Variants in CEP68 observed in about 807,000 individuals in gnomAD.
CEP68 encodes the protein centrosomal protein 68, also known as centrosomal protein of 68 kDa.
A neutral mutation model predicts 55.3 loss-of-function variants in CEP68; 26 were observed. That is an observed-to-expected ratio of 0.47 (90% CI 0.34 to 0.65). The LOEUF (loss-of-function observed/expected upper bound fraction) is 0.65. Among genes scored for constraint, CEP68 ranks in the 30% least tolerant of loss-of-function variants. The pLI is 0.01. For missense variants in CEP68, 957 were observed against 946.7 expected (o/e 1.01, Z -0.14); for synonymous variants, 402 against 383.2 (o/e 1.05, Z -0.57).
Position 65,071,517 on chromosome 2 carries a change from A to G in CEP68, c.421A>G (p.Thr141Ala). ...FPQTLSLPRT[T>A]TICSGHDADT... ...TCAGACTCTGAGCCTTCCCAGAACA[A>G]CAACTATTTGCTCAGGACATGATGC... Residue 141 changes from threonine (T) to alanine (A), a missense_variant, in exon 3 of 7, where the codon ACA becomes GCA. Transcript: ENST00000377990. 6.2e-7 allele frequency: 1 copy of G among 1,613,098 alleles called. No individual in the cohort carries two copies. Among genetic ancestry groups the G allele is most frequent in the Non-Finnish European group, 8.5e-7 (1 of 1,179,246 alleles).
Position 65,064,270 on chromosome 2 carries a change from G to T in CEP68, c.-46-5129G>T, listed in dbSNP as rs149064601. Among the ~76,000 whole-genome samples the T allele has an allele frequency of 7.4e-3, 1,119 of 152,084 alleles. 8 individuals are homozygous for T. The highest frequency in any genetic ancestry group is 0.011 in the Admixed American group (168 of 15,280). On this transcript the variant is annotated intron_variant, in intron 1 of 6. Coordinates refer to ENST00000377990, the MANE Select transcript of CEP68 (RefSeq NM_015147.3). The stretch of plus-strand genomic sequence containing the variant: ...AGGCTAAATAGATACCTTCTTTTTT[G>T]AATAATGAGGTCCAGACAAGATGAA...
intron 4 of CEP68, 177 bp downstream of exon 4, chr2:65,074,581 G>A (rs1676670163): frequency 2.3e-6 from 2 of 886,592 alleles, no homozygotes; most frequent in South Asian, 1.4e-5. Flanking sequence ...TAAAATGCAT[G>A]AATTATTTCC....
In CEP68 at chr2:65,082,707, C is replaced by T. The variant is rs774727196; in HGVS notation, c.*2C>T. ...GAGCACCCATGTGAAGGGGTTTAAC[C>T]TGGTAAGTGGAGGAACTCAAAAAGA... is the stretch of plus-strand genomic sequence containing the variant. On this transcript the variant is annotated splice_region_variant and 3_prime_UTR_variant, in exon 6 of 7. Coordinates refer to ENST00000377990, the MANE Select transcript of CEP68 (RefSeq NM_015147.3). 4 of 1,563,026 alleles carry T rather than the reference C, an allele frequency of 2.6e-6. No individual in the cohort carries two copies. The highest frequency in any genetic ancestry group is 2.1e-5 in the Admixed American group (1 of 48,132).
At chr2:65,075,032 A>G in intron 4 of CEP68, 1 of 156,758 alleles carries the variant, frequency 6.4e-6, no homozygotes, top group Non-Finnish European at 1.4e-5. Flanking sequence ...ATCACCACAT[A>G]AAGTCCTATT....
In CEP68 at chr2:65,084,944, G is replaced by GGAAAAACACAAT. The variant is rs1668985355; in HGVS notation, c.*1317_*1318insACAATGAAAAAC. The stretch of plus-strand genomic sequence containing the variant: ...TCCATACACACTGAGACTTTAAAAG[G>GGAAAAACACAAT]GAAAAACCACTCTAGCAAATAATTG... On this transcript the variant is annotated 3_prime_UTR_variant, in exon 7 of 7. Coordinates refer to ENST00000377990, the MANE Select transcript of CEP68 (RefSeq NM_015147.3). The GGAAAAACACAAT allele has an allele frequency of 6.6e-6, 1 of 152,048 alleles. No homozygotes were observed. Among genetic ancestry groups the GGAAAAACACAAT allele is most frequent in the Admixed American group, 6.6e-5 (1 of 15,256 alleles). The allele number at this position is 152,048 out of a possible 1,614,324, so 9.4% of individuals were successfully genotyped here.
chr2:65,057,626 T>C (rs1232394734), intron 1 of CEP68, among the ~76,000 whole-genome samples: 1 of 152,170 alleles, frequency 6.6e-6, no homozygotes, highest in Non-Finnish European at 1.5e-5. Flanking sequence ...CCTAGCACAA[T>C]GCTTGGAACA....
chr2:65,065,236 A>G (rs943665182), intron 1 of CEP68, among the ~76,000 whole-genome samples: 1 of 152,228 alleles, frequency 6.6e-6, no homozygotes, highest in Non-Finnish European at 1.5e-5. Context: ...CAGCAGCTCT[A>G]CTTCTGCAAT....
chr2:65,074,088 C>G (rs1676641731), intron 3 of CEP68, 194 bp from the exon 4 acceptor site: 1 of 576,452 alleles, frequency 1.7e-6, no homozygotes, highest in Non-Finnish European at 3.0e-6. Flanking sequence ...TTTGATGTCA[C>G]ACCAGGCTGT....
intron 1 of CEP68, among the ~76,000 whole-genome samples, chr2:65,067,139 T>C (rs1389436946): frequency 6.6e-6 from 1 of 151,076 alleles, no homozygotes; most frequent in Non-Finnish European, 1.5e-5. Context: ...ATCCCAGCAC[T>C]TTGGGAGGTG....
chr2:65,071,829 C>T lies in CEP68; in HGVS notation c.733C>T (p.Arg245Trp), dbSNP rs764493393. 1.7e-5 allele frequency: 27 copies of T among 1,603,152 alleles called. No individual in the cohort carries two copies. Among genetic ancestry groups the T allele is most frequent in the South Asian group, 1.0e-4 (9 of 89,768 alleles). ...TTCCTCTGTGGTGGGGCTAGGACCT[C>T]GGCCCCAGTGGTCACCACAGCCTGT... Reference protein sequence around the residue: ...EPSSVVGLGPRPQWSPQPVFS... With the variant: ...EPSSVVGLGPWPQWSPQPVFS... The change falls in exon 3 of 7, where the codon CGG (arginine) becomes TGG (tryptophan). Residue 245 changes from arginine (R) to tryptophan (W), a missense_variant. Arg to Trp is a moderately radical substitution (Grantham distance 101). Coordinates refer to ENST00000377990, the MANE Select transcript of CEP68 (RefSeq NM_015147.3).
At chr2:65,068,330 T>C (rs181728970) in intron 1 of CEP68, among the ~76,000 whole-genome samples, 35 of 152,354 alleles carry the variant, frequency 2.3e-4, no homozygotes, top group Admixed American at 2.0e-3. Context: ...GGAATGGTCC[T>C]GTTTGCAGAT....
rs1676114332 is a variant in CEP68, at chr2:65,065,334, C to G, written c.-46-4065C>G. Among the ~76,000 whole-genome samples, 5 of 152,302 alleles carry G rather than the reference C, an allele frequency of 3.3e-5. No homozygotes were observed. In the South Asian group the frequency reaches 1.0e-3, roughly 32 times the overall value. On this transcript the variant is annotated intron_variant, in intron 1 of 6. Transcript: ENST00000377990. ...ACTAGCAAAAAAGACTAGAAATAAC[C>G]CAAATGTCCACTAATAAGGGACTGG... is the stretch of plus-strand genomic sequence containing the variant.
chr2:65,072,674 G>A lies in CEP68; in HGVS notation c.1578G>A (p.Gly526=). The A allele has an allele frequency of 3.7e-6, 6 of 1,614,136 alleles. 1 individual carries two copies. The South Asian group carries it at 4.4e-5, about 12-fold the overall frequency. Reference sequence around the variant, plus strand: ...CCTTGGAAGTGTCAGACAGTGATGGGCCAGCTTCCTTCCCTTCAAGCTCCA... The same window carrying A: ...CCTTGGAAGTGTCAGACAGTGATGGACCAGCTTCCTTCCCTTCAAGCTCCA... ...QSPLEVSDSD[G]PASFPSSSSQ... The change falls in exon 3 of 7, where the codon GGG becomes GGA. Residue 526 remains glycine, a synonymous_variant. Transcript: ENST00000377990.
At chr2:65,056,936 C>G (rs1211560844) in intron 1 of CEP68, among the ~76,000 whole-genome samples, 1 of 152,222 alleles carries the variant, frequency 6.6e-6, no homozygotes, top group African/African-American at 2.4e-5. Context: ...CGGGCGTGGG[C>G]TGTTTACCCA....
chr2:65,082,411 A>C, intron 5 of CEP68, 125 bp from the exon 6 acceptor site: 1 of 742,096 alleles, frequency 1.3e-6, no homozygotes, highest in Non-Finnish European at 1.9e-6. Flanking sequence ...AGACATTCAG[A>C]AACTACTGCC....
At position 65,072,568 on chromosome 2, in the gene CEP68, A is replaced by AG; in HGVS notation, c.1474dup (p.Val492GlyfsTer3). The AG allele has an allele frequency of 6.2e-7, 1 of 1,614,062 alleles. No homozygotes were observed. Among genetic ancestry groups the AG allele is most frequent in the Non-Finnish European group, 8.5e-7 (1 of 1,179,996 alleles). On this transcript the variant is annotated frameshift_variant, in exon 3 of 7. Coordinates refer to ENST00000377990, the MANE Select transcript of CEP68 (RefSeq NM_015147.3). LOFTEE classifies it high-confidence loss of function. ...CTTGCCCTCCCCGCTCGGCTGACAC[A>AG]GGTTTCTAGCCTGGTTTCGTATCTA...
chr2:65,071,220 G>A, intron 2 of CEP68: 1 of 553,702 alleles, frequency 1.8e-6, no homozygotes, highest in South Asian at 2.2e-5. Context: ...GAGGAAGGAA[G>A]AACCTTGGAG....
intron 3 of CEP68, chr2:65,073,230 C>T: frequency 1.9e-6 from 1 of 536,640 alleles, no homozygotes; most frequent in Non-Finnish European, 3.4e-6. Flanking sequence ...GGGCTTGAGC[C>T]AAGAATGAGA....
At position 65,071,771 on chromosome 2, in the gene CEP68, C is replaced by T. The variant is rs747382532; in HGVS notation, c.675C>T (p.Ser225=). The change falls in exon 3 of 7, where the codon TCC becomes TCT. Residue 225 remains serine, a synonymous_variant. Coordinates refer to ENST00000377990, the MANE Select transcript of CEP68 (RefSeq NM_015147.3). ...EPRGGSLAKV[S]SSLEPVVPQE... ...GTGGTGGTTCTCTGGCCAAGGTCTC[C>T]TCCTCCCTGGAGCCGGTCGTCCCCC... is the stretch of plus-strand genomic sequence containing the variant. The T allele has an allele frequency of 2.0e-5, 33 of 1,612,754 alleles. No individual in the cohort carries two copies. The highest frequency in any genetic ancestry group is 2.5e-5 in the Non-Finnish European group (30 of 1,179,122).
Sources: gnomAD v4.1 joint callset for allele counts (sites outside exome capture counted in the v4.1 genomes callset) on GRCh38, gnomAD v4.1.1 for gene constraint, MANE v1.5 for transcripts, NCBI Gene and HGNC (gene_info 2026-07-23, HGNC 2026-07-21) for gene names.